Variants in UGT1A10 observed in about 807,000 individuals in gnomAD.
UGT1A10 encodes UDP-glucuronosyltransferase 1A10.
In UGT1A10, 49 loss-of-function variants were observed where a neutral mutation model predicts 45.8. The ratio of observed to expected loss-of-function variants is 1.07; its 90% CI spans 0.85 to 1.36. The LOEUF (loss-of-function observed/expected upper bound fraction) is 1.36. Ranked by LOEUF, UGT1A10 falls within the 40% of genes most tolerant of loss-of-function variation. UGT1A10 has a pLI of 0.00. For missense variants in UGT1A10, 745 were observed against 668.6 expected, an observed-to-expected ratio of 1.11 and a Z score of -1.26; for synonymous variants, 284 against 249.7, an observed-to-expected ratio of 1.14 and a Z score of -1.29.
chr2:233,693,424 G>A (rs1368569398), intron 1 of UGT1A10: 2 of 1,614,132 alleles, frequency 1.2e-6, no homozygotes, highest in East Asian at 4.5e-5. Flanking sequence ...ACTTCTTTAA[G>A]GAGAGCAAGT....
intron 1 of UGT1A10, 133 bp downstream of exon 1, chr2:233,637,510 T>C: frequency 1.4e-6 from 2 of 1,481,074 alleles, no homozygotes; most frequent in Non-Finnish European, 1.8e-6. Context: ...CAAATTATTT[T>C]GTGCGAATTC....
At chr2:233,697,382 C>G (rs576473887) in intron 1 of UGT1A10, among the ~76,000 whole-genome samples, 1 of 152,024 alleles carries the variant, frequency 6.6e-6, no homozygotes, top group Non-Finnish European at 1.5e-5. Flanking sequence ...TCACAATAAT[C>G]GCTAATGATC....
chr2:233,745,923 C>T (rs922725968), intron 1 of UGT1A10, among the ~76,000 whole-genome samples: 1 of 151,246 alleles, frequency 6.6e-6, no homozygotes, highest in Non-Finnish European at 1.5e-5. Flanking sequence ...GGCAGTGATT[C>T]AGAAGGGACA....
intron 4 of UGT1A10, 31 bp downstream of exon 4, chr2:233,768,470 G>A: frequency 6.2e-7 from 1 of 1,602,840 alleles, no homozygotes; most frequent in Non-Finnish European, 8.5e-7. Flanking sequence ...GAATACTTTG[G>A]TCATGGCATT....
chr2:233,679,085 T>C (rs77349740), intron 1 of UGT1A10, among the ~76,000 whole-genome samples: 3,806 of 152,324 alleles, frequency 0.025, 77 homozygotes, highest in Non-Finnish European at 0.035. Flanking sequence ...ACCTTTTCCA[T>C]AGAAAACTGT....
intron 1 of UGT1A10, chr2:233,690,887 G>A (rs1559344611): frequency 1.9e-6 from 2 of 1,063,582 alleles, no homozygotes; most frequent in Non-Finnish European, 1.1e-6. Flanking sequence ...AGGAATTCAA[G>A]GGATGGTATG....
At chr2:233,665,754 A>C (rs1324010221) in intron 1 of UGT1A10, among the ~76,000 whole-genome samples, 2 of 152,236 alleles carry the variant, frequency 1.3e-5, no homozygotes, top group Non-Finnish European at 1.5e-5. Context: ...GAAAATTTAA[A>C]AATACACACA....
chr2:233,677,165 C>A (rs1052154794), intron 1 of UGT1A10, among the ~76,000 whole-genome samples: 1 of 152,072 alleles, frequency 6.6e-6, no homozygotes, highest in Non-Finnish European at 1.5e-5. Flanking sequence ...TTTGAGTTTT[C>A]CAATTCATTA....
intron 1 of UGT1A10, among the ~76,000 whole-genome samples, chr2:233,670,905 G>T (rs566727432): frequency 6.6e-6 from 1 of 152,282 alleles, no homozygotes; most frequent in South Asian, 2.1e-4. Context: ...TGTTCTTGCC[G>T]AGGCCTTCTT....
chr2:233,751,463 C>T lies in UGT1A10; in HGVS notation c.856-15571C>T, dbSNP rs191766530. ...ACTTTGGAAGATTGTTGGGAAGGCA[C>T]GATTGGTTTTGAAATGTGAAAAGAC... On this transcript the variant is annotated intron_variant, in intron 1 of 4. Transcript: ENST00000344644. Among the ~76,000 whole-genome samples, 221 of 152,178 alleles carry T rather than the reference C, an allele frequency of 1.5e-3. 1 individual carries two copies. Among genetic ancestry groups the T allele is most frequent in the African/African-American group, 4.9e-3 (203 of 41,476 alleles).
chr2:233,693,146 G>A lies in UGT1A10; in HGVS notation c.855+55769G>A, dbSNP rs2075134589. On this transcript the variant is annotated intron_variant, in intron 1 of 4. Transcript: ENST00000344644. ...GCTTAGTATGAAGGATATAGTTGAG[G>A]TTCTCAGTGACCGGGGTCATGAGAT... is the stretch of plus-strand genomic sequence containing the variant. 5 of 1,614,204 alleles carry A rather than the reference G, an allele frequency of 3.1e-6. No homozygotes were observed. The highest frequency in any genetic ancestry group is 1.3e-5 in the African/African-American group (1 of 75,052).
chr2:233,735,208 T>C (rs1197807314), intron 1 of UGT1A10, among the ~76,000 whole-genome samples: 1 of 152,228 alleles, frequency 6.6e-6, no homozygotes, highest in Non-Finnish European at 1.5e-5. Flanking sequence ...CTGTATTGGG[T>C]GCATATATAT....
chr2:233,718,433 A>G (rs571476124), intron 1 of UGT1A10, among the ~76,000 whole-genome samples: 1 of 152,326 alleles, frequency 6.6e-6, no homozygotes, highest in East Asian at 1.9e-4. Flanking sequence ...GTGGTTGGGG[A>G]CTAGGGCAAT....
chr2:233,658,245 C>T (rs1227295329), intron 1 of UGT1A10, among the ~76,000 whole-genome samples: 2 of 152,162 alleles, frequency 1.3e-5, no homozygotes, highest in Admixed American at 1.3e-4. Flanking sequence ...CCTCAAACTC[C>T]TGACCTCAAG....
At chr2:233,661,679 C>CTTTCTTTT in intron 1 of UGT1A10, among the ~76,000 whole-genome samples, 2 of 130,786 alleles carry the variant, frequency 1.5e-5, no homozygotes, top group African/African-American at 2.8e-5. Context: ...TTCTTTCTTT[C>CTTTCTTTT]TTTTTAAACA....
In UGT1A10 at chr2:233,768,328, T is replaced by C. The variant is rs755527328; in HGVS notation, c.1184T>C (p.Met395Thr). The C allele has an allele frequency of 1.9e-6, 3 of 1,614,176 alleles. No homozygotes were observed. The highest frequency in any genetic ancestry group is 2.5e-6 in the Non-Finnish European group (3 of 1,180,040). ...ATGATGCCCTTGTTTGGTGATCAGATGGACAATGCAAAGCGCATGGAGACT... is the reference window on the plus strand; with the variant it reads ...ATGATGCCCTTGTTTGGTGATCAGACGGACAATGCAAAGCGCATGGAGACT... ...MVMMPLFGDQMDNAKRMETKG... is the reference protein window; with the variant it reads ...MVMMPLFGDQTDNAKRMETKG... The change falls in exon 4 of 5, where the codon ATG becomes ACG. Residue 395 changes from methionine (M) to threonine (T), a missense_variant. By Grantham distance (81) the Met-to-Thr change is moderately conservative. Transcript: ENST00000344644.
At chr2:233,715,655 C>T (rs2076462877) in intron 1 of UGT1A10, among the ~76,000 whole-genome samples, 1 of 152,008 alleles carries the variant, frequency 6.6e-6, no homozygotes, top group Non-Finnish European at 1.5e-5. Context: ...ACCTGTGGTC[C>T]CAGCTACTCG....
chr2:233,680,850 C>G (rs926026920), intron 1 of UGT1A10, among the ~76,000 whole-genome samples: 5 of 152,076 alleles, frequency 3.3e-5, no homozygotes, highest in Non-Finnish European at 5.9e-5. Flanking sequence ...CAGAGAGAGA[C>G]AGCTCATTAG....
intron 1 of UGT1A10, among the ~76,000 whole-genome samples, chr2:233,684,836 ATGGACACTGTATAG>A (rs1351698421): frequency 6.6e-6 from 1 of 152,246 alleles, no homozygotes; most frequent in Non-Finnish European, 1.5e-5. Flanking sequence ...AGAAAAATTT[ATGGACACTGTATAG>A]TGTTCCTTTC....
Sources: allele counts gnomAD v4.1 joint callset (sites outside exome capture counted in the v4.1 genomes callset), GRCh38; gene constraint gnomAD v4.1.1; transcripts MANE v1.5; gene names NCBI Gene and HGNC (gene_info 2026-07-23, HGNC 2026-07-21).